Variants in SPEF2 observed in about 807,000 individuals in gnomAD.
SPEF2 encodes sperm flagella and cilia-associated protein 2.
In SPEF2, 187 loss-of-function variants were observed where a neutral mutation model predicts 224.6. The observed-to-expected ratio is 0.83, with a 90% CI of 0.74 to 0.94. The LOEUF (loss-of-function observed/expected upper bound fraction) is 0.94. Among genes scored for constraint, SPEF2 ranks in the 40% least tolerant of loss-of-function variants. SPEF2 has a pLI of 0.00. For synonymous variants in SPEF2, 715 were observed against 707.3 expected (o/e 1.01, Z -0.17); for missense variants, 2,170 against 2,135.6 (o/e 1.02, Z -0.32).
At chr5:35,663,188 C>T (rs781313973) in intron 8 of SPEF2, among the ~76,000 whole-genome samples, 1 of 152,112 alleles carries the variant, frequency 6.6e-6, no homozygotes, top group Non-Finnish European at 1.5e-5. Flanking sequence ...TTGCTCAAAG[C>T]TTCATCTTTG....
At chr5:35,657,187 A>C (rs186290792) in intron 7 of SPEF2, among the ~76,000 whole-genome samples, 1 of 152,328 alleles carries the variant, frequency 6.6e-6, no homozygotes, top group African/African-American at 2.4e-5. Flanking sequence ...TCCATCAGAA[A>C]TGCCTCAAAA....
At chr5:35,765,495 T>C (rs573103115) in intron 26 of SPEF2, among the ~76,000 whole-genome samples, 2 of 152,196 alleles carry the variant, frequency 1.3e-5, no homozygotes, top group Non-Finnish European at 2.9e-5. Flanking sequence ...AATACTATAC[T>C]TAATACCTCA....
intron 26 of SPEF2, among the ~76,000 whole-genome samples, chr5:35,765,794 A>G (rs1752013590): frequency 6.6e-6 from 1 of 152,116 alleles, no homozygotes; most frequent in Non-Finnish European, 1.5e-5. Flanking sequence ...TTAAGGAAGT[A>G]TTTATCAGAT....
At chr5:35,675,792 T>C in intron 10 of SPEF2, 1 of 387,408 alleles carries the variant, frequency 2.6e-6, no homozygotes, top group South Asian at 1.9e-5. Flanking sequence ...AACATCAATG[T>C]ATTAGTTTTC....
chr5:35,763,570 C>T lies in SPEF2; in HGVS notation c.3669C>T (p.Pro1223=), dbSNP rs765612619. 9 of 1,612,778 alleles carry T rather than the reference C, an allele frequency of 5.6e-6. No individual in the cohort carries two copies. The Admixed American group carries it at 8.4e-5, about 15-fold the overall frequency. ...RISISLETVT[P]KPKTKSVLKG... is the part of the protein sequence containing the mutation. The stretch of plus-strand genomic sequence containing the variant: ...CCATTTCTCTGGAAACAGTTACACC[C>T]AAACCAAAAACAAAATCAGTACTGA... Residue 1223 remains proline (P), a synonymous_variant, in exon 26 of 37, where the codon CCC becomes CCT. Transcript: ENST00000356031.
intron 36 of SPEF2, among the ~76,000 whole-genome samples, chr5:35,811,127 AGAAAT>A (rs1758508177): frequency 6.6e-6 from 1 of 152,016 alleles, no homozygotes; most frequent in South Asian, 2.1e-4. Flanking sequence ...TAAAAACAAA[AGAAAT>A]GAAGGAATGG....
chr5:35,625,512 A>G (rs1744113247), intron 1 of SPEF2, among the ~76,000 whole-genome samples: 1 of 152,212 alleles, frequency 6.6e-6, no homozygotes, highest in African/African-American at 2.4e-5. Context: ...GGAGGCAGGA[A>G]GGGAAAGAGA....
At chr5:35,715,773 T>C (rs1236955433) in intron 20 of SPEF2, among the ~76,000 whole-genome samples, 1 of 151,862 alleles carries the variant, frequency 6.6e-6, no homozygotes, top group Non-Finnish European at 1.5e-5. Context: ...TATGTTCTTT[T>C]TTCTATTTTA....
At chr5:35,793,924 A>T (rs2149836630) in intron 32 of SPEF2, among the ~76,000 whole-genome samples, 1 of 152,338 alleles carries the variant, frequency 6.6e-6, no homozygotes, top group South Asian at 2.1e-4. Flanking sequence ...AATATCATGT[A>T]AGTGGTTATT....
intron 18 of SPEF2, among the ~76,000 whole-genome samples, chr5:35,706,171 A>T (rs990082084): frequency 2.0e-5 from 3 of 151,924 alleles, no homozygotes; most frequent in Non-Finnish European, 4.4e-5. Context: ...AATAATGAAC[A>T]TTAGAGATAT....
intron 2 of SPEF2, among the ~76,000 whole-genome samples, chr5:35,634,645 C>T (rs528196681): frequency 2.6e-5 from 4 of 152,038 alleles, no homozygotes; most frequent in South Asian, 4.1e-4. Flanking sequence ...TATTGGTATG[C>T]CTGGTGATGT....
intron 30 of SPEF2, among the ~76,000 whole-genome samples, chr5:35,791,905 T>C (rs1756010582): frequency 6.6e-6 from 1 of 152,162 alleles, no homozygotes; most frequent in Non-Finnish European, 1.5e-5. Context: ...ATGTATTACC[T>C]TGATTGTAGT....
intron 30 of SPEF2, among the ~76,000 whole-genome samples, chr5:35,792,012 TA>T (rs1735150719): frequency 6.6e-6 from 1 of 152,052 alleles, no homozygotes; most frequent in Non-Finnish European, 1.5e-5. Context: ...AAATCATATA[TA>T]TTTTTTAAAA....
intron 15 of SPEF2, chr5:35,698,756 A>G (rs1162379720): frequency 6.6e-6 from 1 of 152,238 alleles, no homozygotes; most frequent in African/African-American, 2.4e-5. Context: ...GAGGTGCTCC[A>G]GTTACATGTC....
chr5:35,744,233 A>G (rs1748115230), intron 23 of SPEF2, among the ~76,000 whole-genome samples: 1 of 152,238 alleles, frequency 6.6e-6, no homozygotes, highest in Admixed American at 6.5e-5. Context: ...AAGAATAGAC[A>G]TTTATAATGA....
At chr5:35,662,119 C>A (rs565400454) in intron 8 of SPEF2, among the ~76,000 whole-genome samples, 5 of 152,206 alleles carry the variant, frequency 3.3e-5, no homozygotes, top group Admixed American at 6.5e-5. Context: ...AATAGTCATT[C>A]TGACTGGTAT....
At chr5:35,730,195 T>G (rs1300198714) in intron 21 of SPEF2, among the ~76,000 whole-genome samples, 1 of 152,218 alleles carries the variant, frequency 6.6e-6, no homozygotes, top group Non-Finnish European at 1.5e-5. Flanking sequence ...TGCTTCCATA[T>G]AGCATTCAGG....
intron 21 of SPEF2, 74 bp from the exon 22 acceptor site, chr5:35,739,840 TGGGAC>T: frequency 6.5e-7 from 1 of 1,545,698 alleles, no homozygotes; most frequent in Admixed American, 1.9e-5. Flanking sequence ...CCTTTTTGCT[TGGGAC>T]TGTTCTTTTG....
intron 7 of SPEF2, among the ~76,000 whole-genome samples, chr5:35,658,221 C>T (rs920674402): frequency 4.6e-5 from 7 of 152,158 alleles, no homozygotes; most frequent in African/African-American, 1.7e-4. Flanking sequence ...TTATGATGAC[C>T]AGGTCCTCTG....
Sources: gnomAD v4.1 joint callset for allele counts (sites outside exome capture counted in the v4.1 genomes callset) on GRCh38, gnomAD v4.1.1 for gene constraint, MANE v1.5 for transcripts, NCBI Gene and HGNC (gene_info 2026-07-23, HGNC 2026-07-21) for gene names.